GABPB1: variants seen among roughly 807,000 people sequenced by gnomAD.
GABPB1 encodes the protein GA binding protein transcription factor subunit beta 1.
GABPB1 carries 15 observed loss-of-function variants against 45.9 expected under a neutral mutation model. The ratio of observed to expected loss-of-function variants is 0.33; its 90% CI spans 0.22 to 0.50. The LOEUF is 0.50. Among genes scored for constraint, GABPB1 ranks in the 20% least tolerant of loss-of-function variants. The pLI is 0.98. For missense variants in GABPB1, 252 were observed against 457.5 expected, an observed-to-expected ratio of 0.55 and a Z score of 4.10; for synonymous variants, 143 against 154.4, an observed-to-expected ratio of 0.93 and a Z score of 0.55.
In GABPB1 at chr15:50,355,015, G is replaced by A. The variant is rs551902082; in HGVS notation, c.-31C>T. ...AAAGCTTCGGGAGCGGCGACGGGAA[G>A]GCAGCAGGAGGTGGTGCGGGGACCC... On this transcript the variant is annotated 5_prime_UTR_variant, in exon 1 of 9. Transcript: ENST00000380877. 6.4e-6 allele frequency: 1 copy of A among 155,836 alleles called. No homozygotes were observed. The highest frequency in any genetic ancestry group is 1.4e-5 in the Non-Finnish European group (1 of 70,236). 9.7% of individuals were successfully genotyped at this position (155,836 alleles called of 1,614,324 possible).
At chr15:50,337,486 T>G (rs1033263879) in intron 1 of GABPB1, among the ~76,000 whole-genome samples, 2 of 152,010 alleles carry the variant, frequency 1.3e-5, no homozygotes, top group Non-Finnish European at 2.9e-5. Context: ...ACTGGCTGAG[T>G]GCAGTGGTTC....
chr15:50,327,546 C>T (rs978671672), intron 1 of GABPB1, among the ~76,000 whole-genome samples: 1 of 152,194 alleles, frequency 6.6e-6, no homozygotes, highest in Non-Finnish European at 1.5e-5. Flanking sequence ...CTCATGATTC[C>T]CTTGTCCAAA....
chr15:50,337,639 T>C (rs2048197378), intron 1 of GABPB1, among the ~76,000 whole-genome samples: 2 of 151,762 alleles, frequency 1.3e-5, no homozygotes, highest in African/African-American at 2.4e-5. Context: ...GGTGGTGCGA[T>C]CATGTGGTCC....
intron 1 of GABPB1, chr15:50,354,496 C>A: frequency 4.5e-6 from 2 of 448,956 alleles, no homozygotes; most frequent in South Asian, 3.1e-5. Flanking sequence ...GAGAGCCCGG[C>A]GGGGCCGTCA....
chr15:50,303,678 A>C (rs1484821998), intron 3 of GABPB1, among the ~76,000 whole-genome samples: 1 of 68,310 alleles, frequency 1.5e-5, no homozygotes, highest in Admixed American at 1.9e-4. Context: ...ATTCTGTCTC[A>C]AAAAAAAAAA....
rs375555413 is a variant in GABPB1 at position 50,289,534 on chromosome 15, T to C, written c.832A>G (p.Thr278Ala). The C allele has an allele frequency of 6.2e-6, 10 of 1,613,564 alleles. No individual in the cohort carries two copies. The highest frequency in any genetic ancestry group is 2.2e-5 in the East Asian group (1 of 44,882). Residue 278 changes from threonine to alanine, a missense_variant, in exon 7 of 9, where the codon ACC becomes GCC. Transcript: ENST00000380877. Reference sequence around the variant, plus strand: ...ATGATGGGCTGACCAATTCCACTGGTTGGAATAGAGTGCAAATTTCCAAGC... The same window carrying C: ...ATGATGGGCTGACCAATTCCACTGGCTGGAATAGAGTGCAAATTTCCAAGC... ...IQLGNLHSIPTSGIGQPIIVT... is the reference protein window; with the variant it reads ...IQLGNLHSIPASGIGQPIIVT...
In GABPB1 at chr15:50,275,412, C is replaced by T. The variant is rs2045827674; in HGVS notation, c.*3220G>A. The T allele has an allele frequency of 6.6e-6, 1 of 152,186 alleles. No homozygotes were observed. The highest frequency in any genetic ancestry group is 2.4e-5 in the African/African-American group (1 of 41,460). 9.4% of individuals were successfully genotyped at this position (152,186 alleles called of 1,614,324 possible). On this transcript the variant is annotated 3_prime_UTR_variant, in exon 9 of 9. Coordinates refer to ENST00000380877, the MANE Select transcript of GABPB1 (RefSeq NM_016654.5). ...TATTTGTAAGCAGATCTTTTTATTA[C>T]AAACAAGTACAGATGCTCTCTGGCT...
intron 1 of GABPB1, among the ~76,000 whole-genome samples, chr15:50,330,021 C>A (rs926253761): frequency 6.6e-6 from 1 of 151,928 alleles, no homozygotes; most frequent in Non-Finnish European, 1.5e-5. Flanking sequence ...ATCCTCCCAC[C>A]TCAGCCTCCG....
At chr15:50,318,565 A>G (rs2047434118) in intron 1 of GABPB1, among the ~76,000 whole-genome samples, 1 of 152,244 alleles carries the variant, frequency 6.6e-6, no homozygotes, top group Non-Finnish European at 1.5e-5. Flanking sequence ...GCTTCAGGAA[A>G]TAAAGATCCA....
intron 1 of GABPB1, among the ~76,000 whole-genome samples, chr15:50,338,391 A>G (rs1412511977): frequency 6.6e-6 from 1 of 151,898 alleles, no homozygotes; most frequent in Non-Finnish European, 1.5e-5. Flanking sequence ...TGTCTCCATT[A>G]GGTTAAACTT....
intron 1 of GABPB1, among the ~76,000 whole-genome samples, chr15:50,312,139 G>A (rs2047151789): frequency 6.6e-6 from 1 of 151,996 alleles, no homozygotes; most frequent in East Asian, 1.9e-4. Flanking sequence ...GAGGTCAGGT[G>A]TTCGAGACCA....
intron 1 of GABPB1, among the ~76,000 whole-genome samples, chr15:50,340,325 G>C (rs928491272): frequency 4.6e-5 from 7 of 152,082 alleles, no homozygotes; most frequent in African/African-American, 1.7e-4. Context: ...AAGACAGTTG[G>C]TCAAGTTCTA....
intron 1 of GABPB1, among the ~76,000 whole-genome samples, chr15:50,345,972 A>C (rs2048562333): frequency 6.6e-6 from 1 of 152,102 alleles, no homozygotes; most frequent in Non-Finnish European, 1.5e-5. Context: ...TGGCCTCCCA[A>C]AGTGCTGGGT....
intron 1 of GABPB1, among the ~76,000 whole-genome samples, chr15:50,312,852 T>C (rs1225332748): frequency 1.3e-5 from 2 of 152,180 alleles, no homozygotes; most frequent in Admixed American, 1.3e-4. Flanking sequence ...CTTTTGAAAC[T>C]GGGTTGTCTG....
At chr15:50,280,404 A>G (rs12910368) in intron 8 of GABPB1, among the ~76,000 whole-genome samples, 19,406 of 152,176 alleles carry the variant, frequency 0.13, 1,509 homozygotes, top group Middle Eastern at 0.2. Context: ...GTTACTTCCC[A>G]GGAGCTAGAC....
At chr15:50,326,050 G>A (rs1172402525) in intron 1 of GABPB1, among the ~76,000 whole-genome samples, 2 of 138,020 alleles carry the variant, frequency 1.4e-5, no homozygotes, top group Non-Finnish European at 3.1e-5. Context: ...TGGGAATATA[G>A]GCGCCCACCA....
intron 8 of GABPB1, 70 bp from the exon 9 acceptor site, chr15:50,278,854 T>G: frequency 6.2e-5 from 68 of 1,101,464 alleles, no homozygotes; most frequent in Non-Finnish European, 7.8e-5. Context: ...TAAGCATGCA[T>G]CCTTCAAATT....
At chr15:50,283,149 A>G (rs2046043082) in intron 8 of GABPB1, among the ~76,000 whole-genome samples, 4 of 152,230 alleles carry the variant, frequency 2.6e-5, no homozygotes, top group Admixed American at 2.0e-4. Context: ...AAAGTAAGTA[A>G]TAGAAATCTG....
chr15:50,333,831 C>T (rs1231105362), intron 1 of GABPB1, among the ~76,000 whole-genome samples: 1 of 152,016 alleles, frequency 6.6e-6, no homozygotes, highest in Non-Finnish European at 1.5e-5. Context: ...GAGTTCGAGA[C>T]CAGCCTGGCC....
Sources: allele counts gnomAD v4.1 joint callset (sites outside exome capture counted in the v4.1 genomes callset), GRCh38; gene constraint gnomAD v4.1.1; transcripts MANE v1.5; gene names NCBI Gene and HGNC (gene_info 2026-07-23, HGNC 2026-07-21).